CCDC88C: variants seen among roughly 807,000 people sequenced by gnomAD.
CCDC88C encodes coiled-coil and HOOK domain protein 88C, also known as protein Daple.
Under a neutral mutation model 198.8 loss-of-function variants are expected in CCDC88C, and 131 were observed. The ratio of observed to expected loss-of-function variants is 0.66; its 90% CI spans 0.57 to 0.76. The LOEUF (loss-of-function observed/expected upper bound fraction) is 0.76. CCDC88C is among the 30% of genes least tolerant of loss of function. The pLI is 0.00. For synonymous variants in CCDC88C, 1,166 were observed against 1,114.7 expected, an observed-to-expected ratio of 1.05 and a Z score of -0.92; for missense variants, 2,553 against 2,631.6, an observed-to-expected ratio of 0.97 and a Z score of 0.65.
At chr14:91,392,756 A>C in intron 3 of CCDC88C, among the ~76,000 whole-genome samples, 1 of 149,714 alleles carries the variant, frequency 6.7e-6, no homozygotes, top group South Asian at 2.1e-4. Flanking sequence ...CACGCCCCTC[A>C]CTCTCACCGC....
chr14:91,272,247 A>AGT lies in CCDC88C; in HGVS notation c.*376_*377dup, dbSNP rs1318346120. 4 of 187,798 alleles carry AGT rather than the reference A, an allele frequency of 2.1e-5. No homozygotes were observed. The highest frequency in any genetic ancestry group is 1.6e-4 in the East Asian group (1 of 6,180). 11.6% of individuals were successfully genotyped at this position (187,798 alleles called of 1,614,324 possible). A position where few individuals can be genotyped will look rare whatever the true frequency, so the allele number is the denominator to read the frequency against. ...CTGAGCCTCGTAAGCCTGTTGTGTGAGTGTGTGTGTGCTTAACGGAGCTCA... is the reference window on the plus strand; with the variant it reads ...CTGAGCCTCGTAAGCCTGTTGTGTGAGTGTGTGTGTGTGCTTAACGGAGCTCA... On this transcript the variant is annotated 3_prime_UTR_variant, in exon 30 of 30. Transcript: ENST00000389857.
At chr14:91,331,166 C>T (rs1275020869) in intron 10 of CCDC88C, among the ~76,000 whole-genome samples, 1 of 152,020 alleles carries the variant, frequency 6.6e-6, no homozygotes, top group Admixed American at 6.5e-5. Flanking sequence ...GGGAAATGGG[C>T]CCACAGCTGA....
chr14:91,366,709 A>T (rs1894559306), intron 3 of CCDC88C, among the ~76,000 whole-genome samples: 2 of 152,224 alleles, frequency 1.3e-5, no homozygotes, highest in Non-Finnish European at 2.9e-5. Flanking sequence ...TGGGAAGAAC[A>T]GATGGGAGCC....
At chr14:91,296,074 G>A (rs74645341) in intron 22 of CCDC88C, among the ~76,000 whole-genome samples, 312 of 152,276 alleles carry the variant, frequency 2.0e-3, no homozygotes, top group Middle Eastern at 3.4e-3. Flanking sequence ...CCACCTCTGC[G>A]GCTTAAGCCA....
intron 3 of CCDC88C, among the ~76,000 whole-genome samples, chr14:91,373,290 G>T (rs1349276232): frequency 6.6e-6 from 1 of 152,178 alleles, no homozygotes; most frequent in Admixed American, 6.5e-5. Context: ...GAGCTGGCTT[G>T]GACGCTATGC....
chr14:91,305,726 G>C (rs115618934), intron 19 of CCDC88C, 39 bp downstream of exon 19: 4 of 1,573,270 alleles, frequency 2.5e-6, no homozygotes, highest in Non-Finnish European at 3.5e-6. Context: ...TAAACATCCC[G>C]CCAGGCTTGT....
rs770898915 is a variant in CCDC88C at position 91,381,388 on chromosome 14, C to G, written c.271-21677G>C. Among the ~76,000 whole-genome samples the G allele has an allele frequency of 2.4e-4, 36 of 152,178 alleles. No individual in the cohort carries two copies. Among genetic ancestry groups the G allele is most frequent in the Non-Finnish European group, 3.7e-4 (25 of 68,024 alleles). ...GAATTTTTTGGGTTTAGGATGTGAT[C>G]TTCTCTATATTCTCTATGCCCACGA... On this transcript the variant is annotated intron_variant, in intron 3 of 29. Coordinates refer to ENST00000389857, the MANE Select transcript of CCDC88C (RefSeq NM_001080414.4). This position sits in a 1 kb window ranked among gnomAD's most constrained non-coding sequence, Gnocchi z 4.2.
chr14:91,300,141 A>G (rs375417290), intron 20 of CCDC88C, 71 bp from the exon 21 acceptor site: 3 of 1,548,578 alleles, frequency 1.9e-6, no homozygotes, highest in African/African-American at 2.7e-5. Context: ...CACATCCCAG[A>G]GGATCTGCGT....
chr14:91,291,662 G>A (rs1890667117), intron 23 of CCDC88C, among the ~76,000 whole-genome samples: 1 of 152,194 alleles, frequency 6.6e-6, no homozygotes, highest in African/African-American at 2.4e-5. Context: ...CCCCTGTGCT[G>A]CCATCTCCGG....
chr14:91,366,492 T>C (rs75229757), intron 3 of CCDC88C, among the ~76,000 whole-genome samples: 8,975 of 148,858 alleles, frequency 0.06, 299 homozygotes, highest in South Asian at 0.094. Context: ...TAAAAAAATA[T>C]AAAAATAAAA....
intron 29 of CCDC88C, among the ~76,000 whole-genome samples, 181 bp downstream of exon 29, chr14:91,277,741 G>A (rs2139718237): frequency 6.6e-6 from 1 of 152,334 alleles, no homozygotes; most frequent in South Asian, 2.1e-4. Flanking sequence ...TCCAGGGTTG[G>A]GGCTGGCGGC....
In CCDC88C at chr14:91,308,443, GTGT is replaced by G. The variant is rs760595514; in HGVS notation, c.2911_2913del (p.Thr971del). On this transcript the variant is annotated inframe_deletion, in exon 17 of 30. Coordinates refer to ENST00000389857, the MANE Select transcript of CCDC88C (RefSeq NM_001080414.4). Reference sequence around the variant, plus strand: ...ACAATCTTTTCTTCTTTCATGGCTAGTGTTGTTTTTAATGCTGATTCATTTCTG... The same window carrying G: ...ACAATCTTTTCTTCTTTCATGGCTAGTGTTTTTAATGCTGATTCATTTCTG... The G allele has an allele frequency of 2.5e-6, 4 of 1,613,650 alleles. No individual in the cohort carries two copies. Among genetic ancestry groups the G allele is most frequent in the Non-Finnish European group, 3.4e-6 (4 of 1,179,830 alleles).
intron 20 of CCDC88C, among the ~76,000 whole-genome samples, chr14:91,301,869 C>A (rs1891306865): frequency 6.6e-6 from 1 of 152,180 alleles, no homozygotes; most frequent in African/African-American, 2.4e-5. Context: ...CAGCTGGGTG[C>A]AACTCCTACC....
rs546013174 is a variant in CCDC88C at position 91,379,793 on chromosome 14, G to A, written c.271-20082C>T. On this transcript the variant is annotated intron_variant, in intron 3 of 29. Coordinates refer to ENST00000389857, the MANE Select transcript of CCDC88C (RefSeq NM_001080414.4). ...CTCCTGCGGGGGTGTCTTGTTCACT[G>A]TCCACTTCCACTGGGTTTGTTTGAA... 24 of 702,698 alleles carry A rather than the reference G, an allele frequency of 3.4e-5. No individual in the cohort carries two copies. The East Asian group carries it at 5.9e-4, about 17-fold the overall frequency. The allele number at this position is 702,698 out of a possible 1,614,324, so 43.5% of individuals were successfully genotyped here. A position where few individuals can be genotyped will look rare whatever the true frequency, so the allele number is the denominator to read the frequency against.
chr14:91,337,996 G>T lies in CCDC88C; in HGVS notation c.1050+9C>A. The T allele has an allele frequency of 5.0e-6, 8 of 1,609,320 alleles. No homozygotes were observed. The highest frequency in any genetic ancestry group is 6.8e-6 in the Non-Finnish European group (8 of 1,179,840). On this transcript the variant is annotated intron_variant, in intron 10 of 29. Coordinates refer to ENST00000389857, the MANE Select transcript of CCDC88C (RefSeq NM_001080414.4). ...CCCCATCCAGGGGCCTCACAGCAAG[G>T]CTCCCTACCTCCATGCGGGCCTTGT...
intron 22 of CCDC88C, among the ~76,000 whole-genome samples, chr14:91,294,543 T>C (rs1194903997): frequency 6.6e-6 from 1 of 152,266 alleles, no homozygotes; most frequent in Non-Finnish European, 1.5e-5. Context: ...ACATGGCTAC[T>C]GAGCAGTAAA....
chr14:91,287,043 A>G (rs1655814296), intron 25 of CCDC88C, among the ~76,000 whole-genome samples: 1 of 152,190 alleles, frequency 6.6e-6, no homozygotes, highest in Non-Finnish European at 1.5e-5. Context: ...CTGCTTGCTC[A>G]CGGATCACTT....
intron 20 of CCDC88C, among the ~76,000 whole-genome samples, chr14:91,303,089 G>A (rs1388301426): frequency 6.6e-6 from 1 of 152,160 alleles, no homozygotes; most frequent in Non-Finnish European, 1.5e-5. Context: ...GAAGCAGCTG[G>A]CCAAGAGATT....
At chr14:91,294,114 A>T in intron 23 of CCDC88C, 59 bp downstream of exon 23, 2 of 1,598,746 alleles carry the variant, frequency 1.3e-6, no homozygotes, top group East Asian at 4.5e-5. Flanking sequence ...ACCTCCAGAG[A>T]CTGAGGATGT....
Sources: allele counts gnomAD v4.1 joint callset (sites outside exome capture counted in the v4.1 genomes callset), GRCh38; gene constraint gnomAD v4.1.1; non-coding constraint Gnocchi (gnomAD v3.1); transcripts MANE v1.5; gene names NCBI Gene and HGNC (gene_info 2026-07-23, HGNC 2026-07-21).